CERS6: variants seen among roughly 807,000 people sequenced by gnomAD.
The protein encoded by CERS6 is LAG1 homolog, ceramide synthase 6.
A neutral mutation model predicts 56.8 loss-of-function variants in CERS6; 26 were observed. That is an observed-to-expected ratio of 0.46 (90% CI 0.34 to 0.63). The LOEUF is 0.63. CERS6 is among the 30% of genes least tolerant of loss of function. The pLI, the probability that CERS6 is intolerant of heterozygous loss-of-function variation, is 0.01. For synonymous variants in CERS6, 164 were observed against 173.3 expected (o/e 0.95, Z 0.42); for missense variants, 415 against 467.5 (o/e 0.89, Z 1.04).
intron 3 of CERS6, among the ~76,000 whole-genome samples, chr2:168,627,481 G>C (rs1377959158): frequency 6.6e-6 from 1 of 152,142 alleles, no homozygotes; most frequent in Non-Finnish European, 1.5e-5. Flanking sequence ...CCTGGCAGAA[G>C]CTTTCTTTGA....
chr2:168,573,415 AT>A (rs1172059904), intron 3 of CERS6, among the ~76,000 whole-genome samples: 2 of 152,188 alleles, frequency 1.3e-5, no homozygotes, highest in Non-Finnish European at 2.9e-5. Flanking sequence ...AATAAATTTT[AT>A]GATAGATTTG....
intron 2 of CERS6, among the ~76,000 whole-genome samples, chr2:168,555,053 G>C (rs115589248): frequency 1.4e-3 from 219 of 152,140 alleles, no homozygotes; most frequent in African/African-American, 5.1e-3. Context: ...ATTCTAAGGA[G>C]CATAATTAGG....
intron 4 of CERS6, among the ~76,000 whole-genome samples, chr2:168,681,447 G>A (rs1223353075): frequency 1.3e-5 from 2 of 152,062 alleles, no homozygotes; most frequent in Non-Finnish European, 1.5e-5. Context: ...CACTATTAAC[G>A]TTGTTTATAA....
rs112784948 is a variant in CERS6 at position 168,464,242 on chromosome 2, G to A, written c.170+7624G>A. Among the ~76,000 whole-genome samples the A allele has an allele frequency of 7.9e-3, 1,182 of 149,600 alleles. 7 individuals are homozygous for A. Among genetic ancestry groups the A allele is most frequent in the Non-Finnish European group, 0.012 (843 of 67,464 alleles). On this transcript the variant is annotated intron_variant, in intron 1 of 9. Transcript: ENST00000305747. ...GGGTCTCACTCTGTTCCCCAGGCTG[G>A]AGTGCAGTGGTGTGATCTCAGCTAC...
chr2:168,663,900 G>T (rs181207033), intron 4 of CERS6, among the ~76,000 whole-genome samples: 3 of 152,100 alleles, frequency 2.0e-5, no homozygotes, highest in East Asian at 1.9e-4. Flanking sequence ...AAAAAAAATG[G>T]CTGCTCTTCA....
intron 1 of CERS6, among the ~76,000 whole-genome samples, chr2:168,538,534 A>G (rs1695307263): frequency 6.6e-6 from 1 of 152,110 alleles, no homozygotes; most frequent in East Asian, 1.9e-4. Flanking sequence ...ATCTGTTTTA[A>G]ATGACAGCCC....
At chr2:168,530,772 C>G (rs879601761) in intron 1 of CERS6, among the ~76,000 whole-genome samples, 10 of 152,174 alleles carry the variant, frequency 6.6e-5, no homozygotes, top group Non-Finnish European at 1.0e-4. Context: ...GATCCCAGCT[C>G]TTAGGTTTTG....
In CERS6 at chr2:168,657,433, C is replaced by T. The variant is rs577339125; in HGVS notation, c.465+26391C>T. ...AGCTGCCTGCCAGTCCTGCGCCATG[C>T]GCTCGCATTCCTCAGCCCTTGGGTG... On this transcript the variant is annotated intron_variant, in intron 4 of 9. Coordinates refer to ENST00000305747, the MANE Select transcript of CERS6 (RefSeq NM_203463.3). Among the ~76,000 whole-genome samples the T allele has an allele frequency of 7.2e-4, 109 of 152,370 alleles. No homozygotes were observed. The Middle Eastern group carries it at 0.024, about 33-fold the overall frequency.
chr2:168,758,528 C>G (rs555139104), intron 8 of CERS6, among the ~76,000 whole-genome samples: 1 of 152,254 alleles, frequency 6.6e-6, no homozygotes, highest in African/African-American at 2.4e-5. Flanking sequence ...TTTGCGGTTA[C>G]TTGACATGGC....
intron 2 of CERS6, among the ~76,000 whole-genome samples, chr2:168,551,610 A>C (rs1695573677): frequency 6.6e-6 from 1 of 152,218 alleles, no homozygotes. Context: ...TTAAATAATC[A>C]TGTAAATCAT....
At chr2:168,476,163 A>G (rs1334224705) in intron 1 of CERS6, among the ~76,000 whole-genome samples, 1 of 151,912 alleles carries the variant, frequency 6.6e-6, no homozygotes, top group Non-Finnish European at 1.5e-5. Flanking sequence ...AGAACAAGGA[A>G]TGGCAGCTTC....
intron 1 of CERS6, among the ~76,000 whole-genome samples, chr2:168,500,029 G>A (rs1368107278): frequency 2.0e-5 from 3 of 152,098 alleles, no homozygotes; most frequent in Non-Finnish European, 2.9e-5. Flanking sequence ...CAGATCCTAT[G>A]CCACTTATAA....
intron 2 of CERS6, among the ~76,000 whole-genome samples, chr2:168,558,738 T>A (rs143134893): frequency 6.7e-6 from 1 of 149,402 alleles, no homozygotes; most frequent in African/African-American, 2.5e-5. Context: ...GTGTGGTGGC[T>A]GGCGCCTGTA....
intron 1 of CERS6, among the ~76,000 whole-genome samples, chr2:168,479,755 T>C (rs1025243394): frequency 6.6e-6 from 1 of 152,112 alleles, no homozygotes; most frequent in Non-Finnish European, 1.5e-5. Flanking sequence ...ATTACAGGCA[T>C]GTGCCACCAC....
chr2:168,685,727 T>C (rs1686331401), intron 4 of CERS6, among the ~76,000 whole-genome samples: 1 of 152,124 alleles, frequency 6.6e-6, no homozygotes, highest in African/African-American at 2.4e-5. Flanking sequence ...TTCTGGCTCC[T>C]ATCCTGGTGC....
chr2:168,722,977 G>C (rs1683223368), intron 8 of CERS6, among the ~76,000 whole-genome samples: 2 of 152,178 alleles, frequency 1.3e-5, no homozygotes, highest in Non-Finnish European at 2.9e-5. Context: ...ACCCCAGAAA[G>C]TGCAATTTTT....
intron 4 of CERS6, among the ~76,000 whole-genome samples, chr2:168,636,892 A>G (rs1048424868): frequency 2.0e-5 from 3 of 152,164 alleles, no homozygotes; most frequent in Non-Finnish European, 2.9e-5. Flanking sequence ...GGCCCTGTAG[A>G]GGCCGTCAGA....
At chr2:168,616,620 A>G (rs913277269) in intron 3 of CERS6, among the ~76,000 whole-genome samples, 5 of 152,238 alleles carry the variant, frequency 3.3e-5, no homozygotes, top group Non-Finnish European at 7.3e-5. Context: ...TTAAAGCAAC[A>G]GCAGTTAAAA....
intron 4 of CERS6, among the ~76,000 whole-genome samples, chr2:168,658,612 C>T (rs536685087): frequency 3.3e-5 from 5 of 152,222 alleles, no homozygotes; most frequent in Non-Finnish European, 7.4e-5. Flanking sequence ...AAAAGTCAAG[C>T]ATAATTGTGT....
Sources: allele counts gnomAD v4.1 joint callset (sites outside exome capture counted in the v4.1 genomes callset), GRCh38; gene constraint gnomAD v4.1.1; transcripts MANE v1.5; gene names NCBI Gene and HGNC (gene_info 2026-07-23, HGNC 2026-07-21).